CSMD3: variants seen among roughly 807,000 people sequenced by gnomAD.
The protein encoded by CSMD3 is CUB and sushi domain-containing protein 3.
In CSMD3, 177 loss-of-function variants were observed where a neutral mutation model predicts 435.2. That is an observed-to-expected ratio of 0.41 (90% CI 0.36 to 0.46). CSMD3 has a LOEUF of 0.46. CSMD3 is among the 20% of genes least tolerant of loss of function. CSMD3 has a pLI of 0.34. For synonymous variants in CSMD3, 1,656 were observed against 1,520.5 expected, an observed-to-expected ratio of 1.09 and a Z score of -2.07; for missense variants, 4,265 against 4,504.6, an observed-to-expected ratio of 0.95 and a Z score of 1.52.
intron 54 of CSMD3, 124 bp downstream of exon 54, chr8:112,295,709 T>C (rs1044036430): frequency 5.0e-6 from 4 of 799,454 alleles, no homozygotes; most frequent in Non-Finnish European, 8.3e-6. Context: ...TCAAATTGGA[T>C]TGTGGAAATT....
intron 4 of CSMD3, among the ~76,000 whole-genome samples, chr8:113,146,671 TG>T (rs1237923399): frequency 1.3e-5 from 2 of 151,568 alleles, no homozygotes; most frequent in African/African-American, 4.8e-5. Flanking sequence ...AAATAATAAA[TG>T]TGGCTGGAAA....
intron 13 of CSMD3, among the ~76,000 whole-genome samples, chr8:112,766,181 T>C (rs1448540616): frequency 6.6e-6 from 1 of 151,754 alleles, no homozygotes; most frequent in African/African-American, 2.4e-5. Context: ...TCACATACAT[T>C]AAACAAAGTA....
chr8:113,086,683 T>C (rs1318740235), intron 5 of CSMD3, among the ~76,000 whole-genome samples: 1 of 152,166 alleles, frequency 6.6e-6, no homozygotes, highest in African/African-American at 2.4e-5. Flanking sequence ...TAATTAAGAA[T>C]ATGAGCATTT....
intron 59 of CSMD3, among the ~76,000 whole-genome samples, chr8:112,275,071 G>A (rs1004357260): frequency 2.6e-5 from 4 of 151,996 alleles, no homozygotes; most frequent in African/African-American, 9.7e-5. Flanking sequence ...AAGAAAGTCG[G>A]CTTGCTTCCT....
chr8:112,680,686 A>C (rs1358515249), intron 16 of CSMD3, among the ~76,000 whole-genome samples: 1 of 152,168 alleles, frequency 6.6e-6, no homozygotes, highest in Non-Finnish European at 1.5e-5. Context: ...GAAAGCAGTT[A>C]GTAGTAAAAA....
chr8:112,955,183 A>G (rs1358261005), intron 7 of CSMD3, among the ~76,000 whole-genome samples: 1 of 151,712 alleles, frequency 6.6e-6, no homozygotes, highest in African/African-American at 2.4e-5. Context: ...ATTTCCTAAA[A>G]ATTTAGTCTA....
intron 32 of CSMD3, among the ~76,000 whole-genome samples, chr8:112,450,150 C>T (rs1488233117): frequency 6.6e-6 from 1 of 152,102 alleles, no homozygotes; most frequent in African/African-American, 2.4e-5. Flanking sequence ...TAAGATTATT[C>T]ACTTCATCTT....
intron 13 of CSMD3, among the ~76,000 whole-genome samples, chr8:112,754,347 C>T (rs2052635): frequency 0.33 from 50,501 of 151,784 alleles, 9,257 homozygotes; most frequent in African/African-American, 0.5. Flanking sequence ...TCAAATTTTG[C>T]CTAAAAGATG....
intron 13 of CSMD3, among the ~76,000 whole-genome samples, chr8:112,744,068 AAGAC>A (rs764580826): frequency 1.3e-5 from 2 of 152,110 alleles, no homozygotes; most frequent in African/African-American, 2.4e-5. Flanking sequence ...CATATAAAAA[AAGAC>A]AGAACTAAAA....
At chr8:113,390,214 C>T (rs1251664746) in intron 1 of CSMD3, among the ~76,000 whole-genome samples, 1 of 151,712 alleles carries the variant, frequency 6.6e-6, no homozygotes, top group Admixed American at 6.6e-5. Flanking sequence ...GTTCCCTGGG[C>T]TTATTTATTT....
At chr8:112,253,214 C>T (rs1240469743) in intron 63 of CSMD3, among the ~76,000 whole-genome samples, 2 of 151,884 alleles carry the variant, frequency 1.3e-5, no homozygotes, top group Non-Finnish European at 2.9e-5. Context: ...AGGACTAGTG[C>T]TGTGCAGCTA....
At chr8:112,404,079 G>A (rs985494327) in intron 35 of CSMD3, among the ~76,000 whole-genome samples, 4 of 151,998 alleles carry the variant, frequency 2.6e-5, no homozygotes, top group African/African-American at 4.8e-5. Flanking sequence ...TGGGAGTGGC[G>A]ATATCAAATT....
chr8:113,069,473 A>G (rs2089007164), intron 5 of CSMD3, among the ~76,000 whole-genome samples: 1 of 152,130 alleles, frequency 6.6e-6, no homozygotes, highest in African/African-American at 2.4e-5. Flanking sequence ...ACTTGGATAG[A>G]TAATTTAAAG....
intron 7 of CSMD3, among the ~76,000 whole-genome samples, chr8:112,960,473 C>A (rs1470541056): frequency 6.6e-6 from 1 of 151,574 alleles, no homozygotes; most frequent in Non-Finnish European, 1.5e-5. Flanking sequence ...AGGTATCCTG[C>A]AACAATTAGA....
chr8:112,798,083 G>C (rs181613960), intron 13 of CSMD3, among the ~76,000 whole-genome samples: 1 of 151,768 alleles, frequency 6.6e-6, no homozygotes, highest in Non-Finnish European at 1.5e-5. Flanking sequence ...TAGAGGAAGT[G>C]GTCTTCTGTG....
chr8:113,398,953 C>CCTTA (rs2133192270), intron 1 of CSMD3, among the ~76,000 whole-genome samples: 1 of 151,326 alleles, frequency 6.6e-6, no homozygotes, highest in Non-Finnish European at 1.5e-5. Flanking sequence ...TGTGTTTGAA[C>CCTTA]CTTAAAGATG....
At chr8:112,491,398 T>A (rs1298931147) in intron 31 of CSMD3, among the ~76,000 whole-genome samples, 1 of 152,182 alleles carries the variant, frequency 6.6e-6, no homozygotes, top group African/African-American at 2.4e-5. Flanking sequence ...CTCACTCCTG[T>A]AATCCCAGCA....
intron 61 of CSMD3, among the ~76,000 whole-genome samples, chr8:112,259,217 T>A (rs957440840): frequency 7.9e-5 from 12 of 151,396 alleles, no homozygotes; most frequent in Non-Finnish European, 1.8e-4. Flanking sequence ...TAGACTGGAT[T>A]AAGAAAATGT....
At chr8:113,435,603 T>A (rs987116772) in intron 1 of CSMD3, among the ~76,000 whole-genome samples, 3 of 151,010 alleles carry the variant, frequency 2.0e-5, no homozygotes, top group African/African-American at 7.3e-5. Context: ...AGCACCCCCT[T>A]TCCCGCGATC....
Sources: gnomAD v4.1 joint callset for allele counts (sites outside exome capture counted in the v4.1 genomes callset) on GRCh38, gnomAD v4.1.1 for gene constraint, MANE v1.5 for transcripts, NCBI Gene and HGNC (gene_info 2026-07-23, HGNC 2026-07-21) for gene names.